ABCA2: variants seen among roughly 807,000 people sequenced by gnomAD.
ABCA2 encodes the protein ATP binding cassette subfamily A member 2, also known as ATP-binding cassette sub-family A member 2.
Under a neutral mutation model 262.8 loss-of-function variants are expected in ABCA2, and 84 were observed. The ratio of observed to expected loss-of-function variants is 0.32; its 90% CI spans 0.27 to 0.38. The LOEUF (loss-of-function observed/expected upper bound fraction) is 0.38, where lower values mean the gene tolerates loss of function less well. Among genes scored for constraint, ABCA2 ranks in the 10% least tolerant of loss-of-function variants. The probability of loss-of-function intolerance (pLI) is 1.00; values close to 1 mark genes in which losing one functional copy is unlikely to be tolerated. For synonymous variants in ABCA2, 1,696 were observed against 1,502.9 expected (o/e 1.13, Z -2.97); for missense variants, 2,662 against 3,405.9 (o/e 0.78, Z 5.44).
chr9:137,028,005 G>A lies in ABCA2; in HGVS notation c.66+70C>T, dbSNP rs1831715208. 3.4e-6 allele frequency: 3 copies of A among 875,922 alleles called. No homozygotes were observed. The South Asian group carries it at 1.5e-4, about 44-fold the overall frequency. 54.3% of individuals were successfully genotyped at this position (875,922 alleles called of 1,614,324 possible). A position where few individuals can be genotyped will look rare whatever the true frequency, so the allele number is the denominator to read the frequency against. On this transcript the variant is annotated intron_variant, in intron 1 of 48. Transcript: ENST00000341511. This position sits in a 1 kb window ranked among gnomAD's most constrained non-coding sequence, Gnocchi z 6.9. Reference sequence around the variant, plus strand: ...CGCGCCCGGCCGTCCGCACGTGCGCGCGGGGAGCGCGCCTCTGGCCGCGGT... The same window carrying A: ...CGCGCCCGGCCGTCCGCACGTGCGCACGGGGAGCGCGCCTCTGGCCGCGGT...
Position 137,010,238 on chromosome 9 carries a change from C to A in ABCA2, c.6308G>T (p.Gly2103Val). The change falls in exon 41 of 49, where the codon GGC (glycine) becomes GTC (valine). Residue 2103 changes from glycine (G) to valine (V), a missense_variant. This residue lies in a region of ABCA2 where 602 missense variants were observed against 897.4 expected (regional missense o/e 0.67). Coordinates refer to ENST00000341511, the MANE Select transcript of ABCA2 (RefSeq NM_001606.5). ...GKTSTFKMLT[G>V]DESTTGGEAF... ...CTCGCCCCCCGTCGTGCTCTCGTCG[C>A]CGGTCAGCATCTTGAAGGTGCTGGT... 1 of 1,604,622 alleles carries A rather than the reference C, an allele frequency of 6.2e-7. No individual in the cohort carries two copies. The highest frequency in any genetic ancestry group is 1.3e-5 in the African/African-American group (1 of 74,794).
Position 137,010,656 on chromosome 9 carries a change from G to A in ABCA2, c.6138C>T (p.Ala2046=), listed in dbSNP as rs749999145. The A allele has an allele frequency of 9.3e-6, 15 of 1,608,472 alleles. No individual in the cohort carries two copies. Among genetic ancestry groups the A allele is most frequent in the South Asian group, 4.4e-5 (4 of 91,002 alleles). ...TCTCAATCTTGACCATGTCATTGTC[G>A]GCGTCTCCCCGGAGCACTCGCTGCC... The part of the protein sequence containing the change: ...SERQRVLRGD[A]DNDMVKIENL... The change falls in exon 40 of 49, where the codon GCC becomes GCT. Residue 2046 remains alanine, a synonymous_variant. Transcript: ENST00000341511.
chr9:137,023,560 G>C (rs1056639880), intron 3 of ABCA2: 1 of 744,742 alleles, frequency 1.3e-6, no homozygotes, highest in South Asian at 1.4e-5. Context: ...CCCAGAAGCC[G>C]AGGCACCCCA....
rs1218772803 is a variant in ABCA2 at position 137,012,609 on chromosome 9, G to A, written c.5082-19C>T. The A allele has an allele frequency of 2.5e-6, 4 of 1,610,682 alleles. No individual in the cohort carries two copies. Among genetic ancestry groups the A allele is most frequent in the Non-Finnish European group, 3.4e-6 (4 of 1,179,374 alleles). On this transcript the variant is annotated intron_variant, in intron 31 of 48. Coordinates refer to ENST00000341511, the MANE Select transcript of ABCA2 (RefSeq NM_001606.5). ...CCCATACCTGGGCAGGCAGGTGGGA[G>A]GGGCGGTGAGGCTAGGCAGGCAGTG... is the stretch of plus-strand genomic sequence containing the variant.
Position 137,016,067 on chromosome 9 carries a change from G to A in ABCA2, c.3212C>T (p.Pro1071Leu), listed in dbSNP as rs375006075. 2 of 1,612,812 alleles carry A rather than the reference G, an allele frequency of 1.2e-6. No homozygotes were observed. Among genetic ancestry groups the A allele is most frequent in the Non-Finnish European group, 8.5e-7 (1 of 1,180,004 alleles). ...CCGGTCAAAGAGCACATTGTGCTGCGGGCACATGCCCAGGTTCTTGCGGAT... is the reference window on the plus strand; with the variant it reads ...CCGGTCAAAGAGCACATTGTGCTGCAGGCACATGCCCAGGTTCTTGCGGAT... ...DEIRKNLGMC[P>L]QHNVLFDRLT... The change falls in exon 22 of 49, where the codon CCG becomes CTG. Residue 1071 changes from proline (P) to leucine (L), a missense_variant. Around this residue, in one of 12 missense-constraint regions of ABCA2, gnomAD observed 180 missense variants for 307.3 expected, o/e 0.59. Transcript: ENST00000341511.
chr9:137,015,968 ATC>A lies in ABCA2; in HGVS notation c.3309_3310del (p.Glu1103AspfsTer81). The A allele has an allele frequency of 1.2e-6, 1 of 815,792 alleles. No homozygotes were observed. 50.5% of individuals were successfully genotyped at this position (815,792 alleles called of 1,614,324 possible). On this transcript the variant is annotated frameshift_variant, in exon 22 of 49. Transcript: ENST00000341511. LOFTEE classifies it high-confidence loss of function. ...CCCCGCCCAGCCCACCCACTTGTCCATCTCTCTGCGGATCTCCTCCTGAGCCA... is the reference window on the plus strand; with the variant it reads ...CCCCGCCCAGCCCACCCACTTGTCCATCTCTGCGGATCTCCTCCTGAGCCA...
chr9:137,007,436 C>T lies in ABCA2; in HGVS notation c.*493G>A, dbSNP rs867260809. ...CAGCTGGCCCAAGCTGATGGCTTCC[C>T]GCAGGACAGCCACCTCCCTGCAGGA... On this transcript the variant is annotated 3_prime_UTR_variant, in exon 49 of 49. Transcript: ENST00000341511. 39 of 157,828 alleles carry T rather than the reference C, an allele frequency of 2.5e-4. No individual in the cohort carries two copies. The highest frequency in any genetic ancestry group is 9.5e-4 in the East Asian group (5 of 5,282). The allele number at this position is 157,828 out of a possible 1,614,324, so 9.8% of individuals were successfully genotyped here. A position where few individuals can be genotyped will look rare whatever the true frequency, so the allele number is the denominator to read the frequency against.
At chr9:137,023,963 G>C (rs1831566055) in intron 2 of ABCA2, 123 bp from the exon 3 acceptor site, 1 of 1,521,128 alleles carries the variant, frequency 6.6e-7, no homozygotes, top group South Asian at 1.2e-5. Flanking sequence ...CGCGGCCACA[G>C]GCCAGCCCCG....
rs779293568 is a variant in ABCA2, at chr9:137,012,491, A to G, written c.5181T>C (p.Ala1727=). ...PMVRKIAVRR[A]AQVFYNNKGY... ...GGCCCGCAGCCTCGCTCACCTGGGC[A>G]GCCCTGCGCACCGCGATCTTCCGCA... Residue 1727 remains alanine, a synonymous_variant, in exon 32 of 49, where the codon GCT becomes GCC. Transcript: ENST00000341511. The G allele has an allele frequency of 3.2e-5, 52 of 1,611,420 alleles. No homozygotes were observed. The highest frequency in any genetic ancestry group is 3.3e-4 in the Middle Eastern group (2 of 6,082).
Position 137,010,391 on chromosome 9 carries a change from C to T in ABCA2, c.6175-20G>A, listed in dbSNP as rs1461126644. The T allele has an allele frequency of 1.3e-6, 2 of 1,554,866 alleles. No homozygotes were observed. Among genetic ancestry groups the T allele is most frequent in the Non-Finnish European group, 1.7e-6 (2 of 1,149,852 alleles). The stretch of plus-strand genomic sequence containing the variant: ...GTAGACCTGGCCAGGAGCCTGCCCA[C>T]TCAGCGGGGCATCCTGCCCCCACCC... On this transcript the variant is annotated intron_variant, in intron 40 of 48. Transcript: ENST00000341511.
At chr9:137,020,160 C>CCTGGAGCCCAG (rs11273732) in intron 10 of ABCA2, 176 bp downstream of exon 10, 1 of 818,320 alleles carries the variant, frequency 1.2e-6, no homozygotes, top group Non-Finnish European at 1.9e-6. Context: ...CTGGAGCTCC[C>CCTGGAGCCCAG]GAAAGGAAAA....
rs1362222609 is a variant in ABCA2, at chr9:137,012,499, G to A, written c.5173C>T (p.Arg1725Cys). The A allele has an allele frequency of 4.3e-6, 7 of 1,611,492 alleles. No homozygotes were observed. Among genetic ancestry groups the A allele is most frequent in the Non-Finnish European group, 5.9e-6 (7 of 1,179,824 alleles). Residue 1725 changes from arginine (R) to cysteine (C), a missense_variant, in exon 32 of 49, where the codon CGC becomes TGC. Coordinates refer to ENST00000341511, the MANE Select transcript of ABCA2 (RefSeq NM_001606.5). ...APPMVRKIAV[R>C]RAAQVFYNNK... ...GCCTCGCTCACCTGGGCAGCCCTGC[G>A]CACCGCGATCTTCCGCACCATGGGT...
At chr9:137,023,109 G>GAGA in intron 3 of ABCA2, 57 bp from the exon 4 acceptor site, 29 of 1,336,002 alleles carry the variant, frequency 2.2e-5, no homozygotes, top group Non-Finnish European at 2.8e-5. Flanking sequence ...GAGAGAGAGA[G>GAGA]GAATCCAGAA....
In ABCA2 at chr9:137,014,253, G is replaced by T; in HGVS notation, c.4155C>A (p.Asp1385Glu). 6.2e-7 allele frequency: 1 copy of T among 1,610,684 alleles called. No homozygotes were observed. The highest frequency in any genetic ancestry group is 1.1e-5 in the South Asian group (1 of 90,620). The change falls in exon 27 of 49, where the codon GAC becomes GAA. Residue 1385 changes from aspartate (D) to glutamate (E), a missense_variant. By Grantham distance (45) the Asp-to-Glu change is conservative. Transcript: ENST00000341511. ...SASSVGSARG[D>E]EGAGYTDVYG... ...AGACGTCGGTGTAGCCAGCTCCCTC[G>T]TCGCCACGGGCAGAGCCCACAGATG...
chr9:137,027,245 G>A (rs1446018685), intron 1 of ABCA2, among the ~76,000 whole-genome samples: 3 of 152,234 alleles, frequency 2.0e-5, no homozygotes, highest in Admixed American at 1.3e-4. Context: ...CCAGCTGGGG[G>A]TATGGCAGGA....
chr9:137,013,942 T>C lies in ABCA2; in HGVS notation c.4337A>G (p.Lys1446Arg). The change falls in exon 28 of 49, where the codon AAA becomes AGA. Residue 1446 changes from lysine to arginine, a missense_variant. By Grantham distance (26) the Lys-to-Arg change is conservative. Coordinates refer to ENST00000341511, the MANE Select transcript of ABCA2 (RefSeq NM_001606.5). ...GTTGCGGCGGGCGCAGTGGAAGCGT[T>C]TGACCAGCAGCCCGTGGAACTGGCG... ...KVRQFHGLLV[K>R]RFHCARRNSK... 1.2e-6 allele frequency: 2 copies of C among 1,611,956 alleles called. No individual in the cohort carries two copies. The highest frequency in any genetic ancestry group is 1.7e-6 in the Non-Finnish European group (2 of 1,179,764).
Position 137,011,380 on chromosome 9 carries a change from A to C in ABCA2, c.5799+27T>G. ...GGGCACAGCCTCCGCAGGGTCCGCC[A>C]CCCCCACCATGTCGTCACCGCCCCA... On this transcript the variant is annotated intron_variant, in intron 37 of 48. Transcript: ENST00000341511. The surrounding 1 kb of genome is among the most constrained non-coding windows in gnomAD (Gnocchi z 8.8). 6.2e-7 allele frequency: 1 copy of C among 1,607,444 alleles called. No homozygotes were observed. Among genetic ancestry groups the C allele is most frequent in the Non-Finnish European group, 8.5e-7 (1 of 1,177,256 alleles).
Position 137,028,015 on chromosome 9 carries a change from C to T in ABCA2, c.66+60G>A, listed in dbSNP as rs1831715769. 3.3e-6 allele frequency: 3 copies of T among 915,356 alleles called. No individual in the cohort carries two copies. In the African/African-American group the frequency reaches 5.4e-5, roughly 17 times the overall value. 56.7% of individuals were successfully genotyped at this position (915,356 alleles called of 1,614,324 possible). On this transcript the variant is annotated intron_variant, in intron 1 of 48. Transcript: ENST00000341511. This position sits in a 1 kb window ranked among gnomAD's most constrained non-coding sequence, Gnocchi z 6.9. The stretch of plus-strand genomic sequence containing the variant: ...CGTCCGCACGTGCGCGCGGGGAGCG[C>T]GCCTCTGGCCGCGGTGCGCGCGGCC...
At position 137,023,067 on chromosome 9, in the gene ABCA2, G is replaced by A. The variant is rs1206715502; in HGVS notation, c.164-15C>T. The A allele has an allele frequency of 6.4e-7, 1 of 1,562,388 alleles. No individual in the cohort carries two copies. The highest frequency in any genetic ancestry group is 8.7e-7 in the Non-Finnish European group (1 of 1,152,614). ...TGTGTAGAAGGCTGGCAGACCCACG[G>A]GAGAGGGCAGGGTCGGGGGTGAAAG... On this transcript the variant is annotated splice_polypyrimidine_tract_variant and intron_variant, in intron 3 of 48. Coordinates refer to ENST00000341511, the MANE Select transcript of ABCA2 (RefSeq NM_001606.5).
Sources: allele counts gnomAD v4.1 joint callset (sites outside exome capture counted in the v4.1 genomes callset), GRCh38; gene constraint gnomAD v4.1.1; regional missense constraint gnomAD v4.1.1; non-coding constraint Gnocchi (gnomAD v3.1); transcripts MANE v1.5; gene names NCBI Gene and HGNC (gene_info 2026-07-23, HGNC 2026-07-21).